STAG1: variants seen among roughly 807,000 people sequenced by gnomAD.
STAG1 encodes cohesin subunit SA-1.
In STAG1, 26 loss-of-function variants were observed where a neutral mutation model predicts 170.9. The ratio of observed to expected loss-of-function variants is 0.15; its 90% confidence interval spans 0.11 to 0.21. The LOEUF (loss-of-function observed/expected upper bound fraction) is 0.21. Ranked by LOEUF, STAG1 falls within the 10% of genes least tolerant of loss-of-function variation. The pLI, the probability that STAG1 is intolerant of heterozygous loss-of-function variation, is 1.00. For missense variants in STAG1, 964 were observed against 1,509.5 expected, an observed-to-expected ratio of 0.64 and a Z score of 5.99; for synonymous variants, 514 against 497.7, an observed-to-expected ratio of 1.03 and a Z score of -0.44.
intron 6 of STAG1, among the ~76,000 whole-genome samples, chr3:136,524,081 C>T (rs1448689560): frequency 6.6e-6 from 1 of 152,100 alleles, no homozygotes; most frequent in Non-Finnish European, 1.5e-5. Context: ...AATGCGGGCT[C>T]TTTTTTGGTC....
At chr3:136,580,383 C>T (rs1344069297) in intron 4 of STAG1, among the ~76,000 whole-genome samples, 5 of 151,836 alleles carry the variant, frequency 3.3e-5, no homozygotes, top group African/African-American at 1.2e-4. Flanking sequence ...ACTGTGGTGA[C>T]AATATTAACA....
chr3:136,691,451 G>C (rs997009029), intron 1 of STAG1, among the ~76,000 whole-genome samples: 1 of 151,934 alleles, frequency 6.6e-6, no homozygotes, highest in African/African-American at 2.4e-5. Context: ...AAAATTAGCT[G>C]GGCACAGTGG....
At position 136,659,669 on chromosome 3, in the gene STAG1, T is replaced by A. The variant is rs143496995; in HGVS notation, c.-83-28688A>T. On this transcript the variant is annotated intron_variant, in intron 1 of 33. Transcript: ENST00000383202. ...TTCTTGACCCAAAATGCTATCATGGTTTGTAAATTACTAAATGAAGTCTAT... is the reference window on the plus strand; with the variant it reads ...TTCTTGACCCAAAATGCTATCATGGATTGTAAATTACTAAATGAAGTCTAT... Among the ~76,000 whole-genome samples, 521 of 152,328 alleles carry A rather than the reference T, an allele frequency of 3.4e-3. 7 individuals carry two copies. The highest frequency in any genetic ancestry group is 0.012 in the African/African-American group (499 of 41,570).
At chr3:136,364,371 CTG>C (rs1936994218) in intron 25 of STAG1, among the ~76,000 whole-genome samples, 1 of 152,236 alleles carries the variant, frequency 6.6e-6, no homozygotes, top group Admixed American at 6.5e-5. Context: ...GCGTGAGCCA[CTG>C]TGCCTGGCCC....
rs182000060 is a variant in STAG1 at position 136,552,020 on chromosome 3, C to T, written c.395-9825G>A. Among the ~76,000 whole-genome samples, 123 of 152,210 alleles carry T rather than the reference C, an allele frequency of 8.1e-4. 1 individual carries two copies. The highest frequency in any genetic ancestry group is 1.5e-3 in the Non-Finnish European group (104 of 68,016). ...TAATTTTTATCCTGTTCTCTGCATA[C>T]CCAACAGGTTTTCTTTAAGTGTAAA... On this transcript the variant is annotated intron_variant, in intron 5 of 33. Transcript: ENST00000383202.
intron 1 of STAG1, among the ~76,000 whole-genome samples, chr3:136,639,191 A>AG (rs1338021652): frequency 7.4e-6 from 1 of 134,672 alleles, no homozygotes; most frequent in African/African-American, 2.9e-5. Flanking sequence ...AAAAGAAAAG[A>AG]AAAAAAAAAG....
At chr3:136,553,500 G>A (rs1269666341) in intron 5 of STAG1, among the ~76,000 whole-genome samples, 1 of 152,244 alleles carries the variant, frequency 6.6e-6, no homozygotes, top group African/African-American at 2.4e-5. Context: ...TTTGGGCCGG[G>A]TGTGGTGGCT....
At chr3:136,673,548 T>C (rs1942039360) in intron 1 of STAG1, among the ~76,000 whole-genome samples, 1 of 152,094 alleles carries the variant, frequency 6.6e-6, no homozygotes, top group Non-Finnish European at 1.5e-5. Flanking sequence ...AAAACTGTAA[T>C]AAAATAGGCC....
chr3:136,530,217 A>T (rs1453366269), intron 6 of STAG1, among the ~76,000 whole-genome samples: 1 of 152,208 alleles, frequency 6.6e-6, no homozygotes, highest in Non-Finnish European at 1.5e-5. Flanking sequence ...CCAACAGTGG[A>T]GCATCCAGAT....
intron 23 of STAG1, among the ~76,000 whole-genome samples, chr3:136,376,851 C>T (rs1000568002): frequency 6.6e-6 from 1 of 151,752 alleles, no homozygotes; most frequent in Non-Finnish European, 1.5e-5. Flanking sequence ...AGTGCAATGG[C>T]GCGATCTTGG....
At chr3:136,646,113 G>C (rs1941001984) in intron 1 of STAG1, among the ~76,000 whole-genome samples, 1 of 151,990 alleles carries the variant, frequency 6.6e-6, no homozygotes, top group Non-Finnish European at 1.5e-5. Context: ...CACAGTCTAG[G>C]GCTTACTCCT....
chr3:136,524,633 T>C (rs1448745285), intron 6 of STAG1, among the ~76,000 whole-genome samples: 1 of 152,234 alleles, frequency 6.6e-6, no homozygotes, highest in Non-Finnish European at 1.5e-5. Context: ...CAACACTATG[T>C]TGAATAGGAG....
At chr3:136,402,708 G>C (rs1388707734) in intron 21 of STAG1, among the ~76,000 whole-genome samples, 1 of 151,768 alleles carries the variant, frequency 6.6e-6, no homozygotes, top group African/African-American at 2.4e-5. Flanking sequence ...GCACATGCCT[G>C]TCTCAGCTAC....
intron 1 of STAG1, among the ~76,000 whole-genome samples, chr3:136,706,655 T>TTCGG (rs1446691201): frequency 9.2e-5 from 14 of 152,196 alleles, no homozygotes; most frequent in Admixed American, 3.9e-4. Context: ...AACGTACAGA[T>TTCGG]TCGGTGCAAC....
intron 1 of STAG1, among the ~76,000 whole-genome samples, chr3:136,680,820 T>C (rs1942306649): frequency 6.6e-6 from 1 of 151,312 alleles, no homozygotes; most frequent in Admixed American, 6.6e-5. Flanking sequence ...TATATACGTA[T>C]AAAAGTATAC....
chr3:136,411,093 T>A (rs560620850), intron 21 of STAG1, among the ~76,000 whole-genome samples: 1 of 152,286 alleles, frequency 6.6e-6, no homozygotes, highest in South Asian at 2.1e-4. Context: ...AAGTTTTCTA[T>A]CCTGATGACT....
In STAG1 at chr3:136,364,629, TA is replaced by T. The variant is rs553012921; in HGVS notation, c.2686-1163del. Among the ~76,000 whole-genome samples, 26 of 152,250 alleles carry T rather than the reference TA, an allele frequency of 1.7e-4. No individual in the cohort carries two copies. In the East Asian group the frequency reaches 4.6e-3, roughly 27 times the overall value. On this transcript the variant is annotated intron_variant, in intron 25 of 33. Transcript: ENST00000383202. ...ATGTCTATATTTTACTATCGAAATA[TA>T]AAAAAGTAAAACACAGACATCTTCG...
At position 136,655,964 on chromosome 3, in the gene STAG1, A is replaced by G. The variant is rs1309135691; in HGVS notation, c.-83-24983T>C. Among the ~76,000 whole-genome samples the G allele has an allele frequency of 2.0e-5, 3 of 152,166 alleles. No homozygotes were observed. The South Asian group carries it at 6.2e-4, about 31-fold the overall frequency. On this transcript the variant is annotated intron_variant, in intron 1 of 33. Coordinates refer to ENST00000383202, the MANE Select transcript of STAG1 (RefSeq NM_005862.3). The stretch of plus-strand genomic sequence containing the variant: ...ACTGAAAATGAGGTCTTGAAGACAT[A>G]TTTATACACCCATGTTCATAGTAAC...
chr3:136,404,674 G>A (rs1407822510), intron 21 of STAG1, among the ~76,000 whole-genome samples: 1 of 151,972 alleles, frequency 6.6e-6, no homozygotes, highest in Non-Finnish European at 1.5e-5. Flanking sequence ...TTTTATCTCT[G>A]ACTAGCTGGC....
Sources: gnomAD v4.1 joint callset for allele counts (sites outside exome capture counted in the v4.1 genomes callset) on GRCh38, gnomAD v4.1.1 for gene constraint, MANE v1.5 for transcripts, NCBI Gene and HGNC (gene_info 2026-07-23, HGNC 2026-07-21) for gene names.